The following MED1 variants were observed in gnomAD, a reference collection of about 807,000 sequenced individuals.
MED1 encodes mediator complex subunit 1.
MED1 carries 17 observed loss-of-function variants against 121.3 expected under a neutral mutation model. The observed-to-expected ratio is 0.14, with a 90% CI of 0.10 to 0.21. The LOEUF (loss-of-function observed/expected upper bound fraction) is 0.21. Ranked by LOEUF, MED1 falls within the 10% of genes least tolerant of loss-of-function variation. The probability of loss-of-function intolerance (pLI) is 1.00; values close to 1 mark genes in which losing one functional copy is unlikely to be tolerated. For missense variants in MED1, 1,558 were observed against 1,919.4 expected, an observed-to-expected ratio of 0.81 and a Z score of 3.52; for synonymous variants, 661 against 694.4, an observed-to-expected ratio of 0.95 and a Z score of 0.76.
chr17:39,429,700 C>A (rs1167428376), intron 9 of MED1, among the ~76,000 whole-genome samples: 2 of 79,360 alleles, frequency 2.5e-5, no homozygotes, highest in Admixed American at 2.8e-4. Context: ...TGCCTAAATG[C>A]CTAAAAAAAA....
At chr17:39,413,926 A>AAC (rs2048379924) in intron 16 of MED1, among the ~76,000 whole-genome samples, 1 of 149,614 alleles carries the variant, frequency 6.7e-6, no homozygotes, top group African/African-American at 2.5e-5. Flanking sequence ...AAAAAAAAAA[A>AAC]AAAAAAAAAA....
At position 39,440,468 on chromosome 17, in the gene MED1, T is replaced by A; in HGVS notation, c.317A>T (p.Asp106Val). 6.2e-7 allele frequency: 1 copy of A among 1,604,678 alleles called. No homozygotes were observed. The highest frequency in any genetic ancestry group is 8.5e-7 in the Non-Finnish European group (1 of 1,177,928). Residue 106 changes from aspartate (D) to valine (V), a missense_variant, in exon 5 of 17, where the codon GAT becomes GTT. Around this residue, in one of 5 missense-constraint regions of MED1, gnomAD observed 443 missense variants for 532.4 expected, o/e 0.83. Transcript: ENST00000300651. This position sits in a 1 kb window ranked among gnomAD's most constrained non-coding sequence, Gnocchi z 4.1. ...TAACTGCACTTCCACATAGAACATA[T>A]CTGACGTGATGTAACATTCAGTGCC... ...ASGTECYITS[D>V]MFYVEVQLDP...
rs749662149 is a variant in MED1 at position 39,405,241 on chromosome 17, T to TG, written c.*2233dup. ...AGCAAGTTCAGATGCTGGGTCAGTGTGGGGGTGAGCCCATCGACAATTCAG... is the reference window on the plus strand; with the variant it reads ...AGCAAGTTCAGATGCTGGGTCAGTGTGGGGGGTGAGCCCATCGACAATTCAG... On this transcript the variant is annotated 3_prime_UTR_variant, in exon 17 of 17. Transcript: ENST00000300651. The TG allele has an allele frequency of 3.8e-6, 6 of 1,595,650 alleles. No homozygotes were observed. The highest frequency in any genetic ancestry group is 5.1e-6 in the Non-Finnish European group (6 of 1,171,264).
chr17:39,435,923 T>C (rs900916791), intron 6 of MED1, among the ~76,000 whole-genome samples: 1 of 152,080 alleles, frequency 6.6e-6, no homozygotes, highest in African/African-American at 2.4e-5. Context: ...ACTACAAAAA[T>C]TAGCCGGGCA....
chr17:39,419,568 C>T (rs2048441809), intron 14 of MED1, 149 bp downstream of exon 14: 1 of 691,274 alleles, frequency 1.4e-6, no homozygotes, highest in South Asian at 1.9e-5. Flanking sequence ...CCACCACGTG[C>T]AGCTAATTTG....
rs547292239 is a variant in MED1, at chr17:39,449,878, A to C, written c.25+1160T>G. On this transcript the variant is annotated intron_variant, in intron 1 of 16. Transcript: ENST00000300651. ...AGCCCAGGTAGGAATGCAATGGCGC[A>C]GTCTTGGCTCACCACAACCTCCACC... is the stretch of plus-strand genomic sequence containing the variant. 1.3e-4 allele frequency among the ~76,000 whole-genome samples: 17 copies of C among 126,658 alleles called. No homozygotes were observed. The South Asian group carries it at 4.7e-3, about 35-fold the overall frequency. 83.1% of individuals were successfully genotyped at this position (126,658 alleles called of 152,430 possible).
At chr17:39,415,390 C>T in intron 14 of MED1, 51 bp from the exon 15 acceptor site, 1 of 1,498,302 alleles carries the variant, frequency 6.7e-7, no homozygotes, top group Non-Finnish European at 9.2e-7. Flanking sequence ...AGACTTCACA[C>T]AGGCTGGGCA....
At chr17:39,450,388 G>A (rs566546555) in intron 1 of MED1, among the ~76,000 whole-genome samples, 6 of 152,310 alleles carry the variant, frequency 3.9e-5, no homozygotes, top group African/African-American at 1.4e-4. Flanking sequence ...ATCAGGCAAG[G>A]ACTCTAATCT....
intron 16 of MED1, among the ~76,000 whole-genome samples, chr17:39,412,502 G>T (rs1279470924): frequency 1.4e-5 from 2 of 146,560 alleles, no homozygotes; most frequent in Non-Finnish European, 3.0e-5. Context: ...GATTATAGGC[G>T]TGAGCCACCA....
At chr17:39,435,116 C>T (rs1215817171) in intron 6 of MED1, among the ~76,000 whole-genome samples, 7 of 151,974 alleles carry the variant, frequency 4.6e-5, no homozygotes, top group African/African-American at 1.4e-4. Flanking sequence ...TGCAGTGAGC[C>T]GAGATCGCGC....
intron 11 of MED1, 70 bp from the exon 12 acceptor site, chr17:39,423,891 T>C: frequency 6.7e-7 from 1 of 1,497,446 alleles, no homozygotes; most frequent in Non-Finnish European, 8.9e-7. Flanking sequence ...AAACACCTTT[T>C]TTTTTTTTGA....
At position 39,410,284 on chromosome 17, in the gene MED1, A is replaced by G. The variant is rs780099931; in HGVS notation, c.1937T>C (p.Met646Thr). 6.2e-7 allele frequency: 1 copy of G among 1,613,818 alleles called. No individual in the cohort carries two copies. The highest frequency in any genetic ancestry group is 8.5e-7 in the Non-Finnish European group (1 of 1,179,956). Residue 646 changes from methionine (M) to threonine (T), a missense_variant, in exon 17 of 17, where the codon ATG becomes ACG. This residue lies in a region of MED1 where 793 missense variants were observed against 898.2 expected (regional missense o/e 0.88). Transcript: ENST00000300651. ...AGNTKNHPML[M>T]NLLKDNPAQD... ...GGCAGGATTATCTTTAAGAAGGTTC[A>G]TGAGCATCGGGTGGTTCTTGGTGTT...
chr17:39,435,969 G>T (rs953086538), intron 6 of MED1, among the ~76,000 whole-genome samples: 1 of 152,112 alleles, frequency 6.6e-6, no homozygotes, highest in Non-Finnish European at 1.5e-5. Flanking sequence ...CTACTCAGGA[G>T]GCTAAGGCAG....
intron 10 of MED1, among the ~76,000 whole-genome samples, chr17:39,425,289 C>T (rs937266812): frequency 2.0e-5 from 3 of 152,134 alleles, no homozygotes; most frequent in African/African-American, 7.2e-5. Flanking sequence ...CTCCCAGGTT[C>T]AAGAAATTTT....
chr17:39,408,576 A>T lies in MED1; in HGVS notation c.3645T>A (p.Thr1215=), dbSNP rs200318683. The T allele has an allele frequency of 1.9e-6, 3 of 1,614,198 alleles. No individual in the cohort carries two copies. In the Admixed American group the frequency reaches 5.0e-5, roughly 27 times the overall value. ...GGGACTTGGCTTTAGAGGATGGAGG[A>T]GTTCCAGGAACAGGCTTCATTGGAG... ...LASPMKPVPG[T]PPSSKAKSPI... is the part of the protein sequence containing the mutation. Residue 1215 remains threonine (T), a synonymous_variant, in exon 17 of 17, where the codon ACT becomes ACA. Coordinates refer to ENST00000300651, the MANE Select transcript of MED1 (RefSeq NM_004774.4). The surrounding 1 kb of genome is among the most constrained non-coding windows in gnomAD (Gnocchi z 4.7).
In MED1 at chr17:39,427,762, G is replaced by A. The variant is rs1234000703; in HGVS notation, c.678C>T (p.Val226=). 2 of 1,602,540 alleles carry A rather than the reference G, an allele frequency of 1.2e-6. No individual in the cohort carries two copies. Among genetic ancestry groups the A allele is most frequent in the South Asian group, 1.1e-5 (1 of 90,544 alleles). ...TGTCATCCAGTAGGTCAGAAGGAGA[G>A]ACATAGTACTTCAGGTTCATTAAAT... ...GGHLMNLKYY[V]SPSDLLDDKT... Residue 226 remains valine, a synonymous_variant, in exon 10 of 17, where the codon GTC becomes GTT. Transcript: ENST00000300651.
chr17:39,417,015 A>G (rs776120166), intron 14 of MED1, among the ~76,000 whole-genome samples: 3 of 152,128 alleles, frequency 2.0e-5, no homozygotes, highest in Non-Finnish European at 4.4e-5. Flanking sequence ...TCCAATCTCG[A>G]TAACAGAGCA....
rs1463466568 is a variant in MED1 at position 39,404,911 on chromosome 17, A to AT, written c.*2563dup. The stretch of plus-strand genomic sequence containing the variant: ...AATACTTCTGTTTTAAGACACATTG[A>AT]TATTGAACCTGAAATCTTTATGTAC... On this transcript the variant is annotated 3_prime_UTR_variant, in exon 17 of 17. Transcript: ENST00000300651. 7.5e-6 allele frequency: 1 copy of AT among 132,738 alleles called. No homozygotes were observed. The highest frequency in any genetic ancestry group is 1.5e-5 in the Non-Finnish European group (1 of 66,168). The allele number at this position is 132,738 out of a possible 1,614,324, so 8.2% of individuals were successfully genotyped here. A position where few individuals can be genotyped will look rare whatever the true frequency, so the allele number is the denominator to read the frequency against.
In MED1 at chr17:39,408,109, G is replaced by A. The variant is rs2048320541; in HGVS notation, c.4112C>T (p.Ser1371Leu). 1.2e-6 allele frequency: 2 copies of A among 1,614,136 alleles called. No individual in the cohort carries two copies. The highest frequency in any genetic ancestry group is 1.7e-6 in the Non-Finnish European group (2 of 1,180,036). The change falls in exon 17 of 17, where the codon TCA becomes TTA. Residue 1371 changes from serine (S) to leucine (L), a missense_variant. Ser to Leu is a moderately radical substitution (Grantham distance 145, BLOSUM62 -2). Around this residue, in one of 5 missense-constraint regions of MED1, gnomAD observed 264 missense variants for 326.1 expected, o/e 0.81. Transcript: ENST00000300651. This position sits in a 1 kb window ranked among gnomAD's most constrained non-coding sequence, Gnocchi z 4.7. ...DKSKVSTSGS[S>L]VDSSKKTSES... ...TGAGGTCTTCTTAGAAGAATCCACT[G>A]AACTCCCGGAGGTGGAAACCTTTGA...
Sources: gnomAD v4.1 joint callset for allele counts (sites outside exome capture counted in the v4.1 genomes callset) on GRCh38, gnomAD v4.1.1 for gene constraint, gnomAD v4.1.1 regional missense constraint, Gnocchi (gnomAD v3.1) non-coding constraint, MANE v1.5 for transcripts, NCBI Gene and HGNC (gene_info 2026-07-23, HGNC 2026-07-21) for gene names.